Variants in AFDN observed in about 807,000 individuals in gnomAD.
AFDN encodes the protein afadin, adherens junction formation factor, also known as afadin.
In AFDN, 68 loss-of-function variants were observed where a neutral mutation model predicts 216.6. That is an observed-to-expected ratio of 0.31 (90% CI 0.26 to 0.38). The LOEUF (loss-of-function observed/expected upper bound fraction) is 0.38. Ranked by LOEUF, AFDN falls within the 10% of genes least tolerant of loss-of-function variation. AFDN has a pLI of 1.00. For synonymous variants in AFDN, 868 were observed against 853.7 expected (o/e 1.02, Z -0.29); for missense variants, 2,136 against 2,342.0 (o/e 0.91, Z 1.82).
chr6:167,830,844 A>G (rs1361377545), intron 1 of AFDN, among the ~76,000 whole-genome samples: 1 of 152,002 alleles, frequency 6.6e-6, no homozygotes, highest in Non-Finnish European at 1.5e-5. Context: ...TGAAGTGGTA[A>G]TAATTGCATA....
chr6:167,853,075 T>C (rs1326573698), intron 1 of AFDN, among the ~76,000 whole-genome samples: 1 of 152,126 alleles, frequency 6.6e-6, no homozygotes, highest in African/African-American at 2.4e-5. Context: ...GATGTTCATT[T>C]TTACAGATTG....
chr6:167,912,556 A>G (rs1410506751), intron 15 of AFDN, among the ~76,000 whole-genome samples: 1 of 152,204 alleles, frequency 6.6e-6, no homozygotes, highest in African/African-American at 2.4e-5. Flanking sequence ...AAAGAAAGTC[A>G]TTTTATTTGG....
At chr6:167,910,671 C>T (rs1459355766) in intron 13 of AFDN, among the ~76,000 whole-genome samples, 1 of 152,164 alleles carries the variant, frequency 6.6e-6, no homozygotes, top group Admixed American at 6.5e-5. Context: ...AGACAAAGTC[C>T]AGGTCTTAGG....
intron 32 of AFDN, chr6:167,966,378 C>T: frequency 9.5e-7 from 1 of 1,056,120 alleles, no homozygotes; most frequent in Non-Finnish European, 1.2e-6. Flanking sequence ...TCATACTTGC[C>T]TTGGAATTTG....
intron 1 of AFDN, among the ~76,000 whole-genome samples, chr6:167,841,838 C>T (rs1247848937): frequency 6.6e-6 from 1 of 151,842 alleles, no homozygotes; most frequent in Non-Finnish European, 1.5e-5. Context: ...CTCACCGATG[C>T]CTTTCTTCTT....
chr6:167,913,388 T>C lies in AFDN; in HGVS notation c.2038-15T>C, dbSNP rs1389537105. On this transcript the variant is annotated splice_polypyrimidine_tract_variant and intron_variant, in intron 15 of 33. Transcript: ENST00000683244. ...TCTCGTTCTGCTTGATTTCCCCTCG[T>C]CTGTTTTTCTCCAGGAAGTAGACCA... 1 of 1,535,888 alleles carries C rather than the reference T, an allele frequency of 6.5e-7. No homozygotes were observed. The highest frequency in any genetic ancestry group is 2.0e-5 in the Admixed American group (1 of 51,002).
intron 8 of AFDN, among the ~76,000 whole-genome samples, chr6:167,891,403 G>C (rs997755028): frequency 1.2e-4 from 10 of 85,348 alleles, no homozygotes; most frequent in Admixed American, 8.2e-4. Context: ...TTTCATAAAG[G>C]GGTGGGTGTG....
intron 5 of AFDN, among the ~76,000 whole-genome samples, chr6:167,877,739 T>C (rs576278311): frequency 1.3e-5 from 2 of 152,324 alleles, no homozygotes; most frequent in South Asian, 4.1e-4. Flanking sequence ...GTTAATTCTT[T>C]AGTGTGGGCT....
chr6:167,944,241 CCA>C (rs1168689276), intron 26 of AFDN, among the ~76,000 whole-genome samples, 182 bp downstream of exon 26: 1 of 152,100 alleles, frequency 6.6e-6, no homozygotes, highest in Non-Finnish European at 1.5e-5. Flanking sequence ...ACCTTGGAGC[CCA>C]CACTGTGAGT....
At chr6:167,849,015 G>T (rs1782002879) in intron 1 of AFDN, among the ~76,000 whole-genome samples, 1 of 152,094 alleles carries the variant, frequency 6.6e-6, no homozygotes, top group African/African-American at 2.4e-5. Context: ...TTTCAAAATT[G>T]CCAGAGTATG....
chr6:167,922,813 A>G (rs1203150362), intron 21 of AFDN, 43 bp from the exon 22 acceptor site: 1 of 1,320,318 alleles, frequency 7.6e-7, no homozygotes, highest in East Asian at 2.3e-5. Context: ...TTATCTTGAC[A>G]AGATGTGCTT....
intron 1 of AFDN, among the ~76,000 whole-genome samples, chr6:167,844,629 A>G (rs749033717): frequency 2.0e-5 from 3 of 152,114 alleles, no homozygotes; most frequent in Non-Finnish European, 2.9e-5. Flanking sequence ...ATTTGAGTCA[A>G]AGGCTGTACT....
At chr6:167,862,808 A>G (rs189506860) in intron 1 of AFDN, among the ~76,000 whole-genome samples, 44 of 152,128 alleles carry the variant, frequency 2.9e-4, no homozygotes, top group Non-Finnish European at 3.5e-4. Flanking sequence ...AGACAGCAGG[A>G]CTCCTACTCA....
At chr6:167,864,786 G>T in intron 2 of AFDN, 40 bp downstream of exon 2, 1 of 1,585,564 alleles carries the variant, frequency 6.3e-7, no homozygotes, top group South Asian at 1.1e-5. Flanking sequence ...GGCATGACCT[G>T]ACCTGTGAAG....
intron 1 of AFDN, among the ~76,000 whole-genome samples, chr6:167,841,902 T>TA (rs1455861512): frequency 2.6e-5 from 4 of 152,132 alleles, no homozygotes; most frequent in Non-Finnish European, 4.4e-5. Context: ...CCTTCTGTCT[T>TA]ACTTCCCTTC....
At chr6:167,911,588 G>T in intron 15 of AFDN, 99 bp downstream of exon 15, 2 of 1,074,438 alleles carry the variant, frequency 1.9e-6, no homozygotes, top group South Asian at 1.4e-5. Context: ...TTGGTTACAA[G>T]ATTTTTTTCT....
chr6:167,877,459 A>C (rs1013265661), intron 5 of AFDN, among the ~76,000 whole-genome samples: 8 of 152,180 alleles, frequency 5.3e-5, no homozygotes, highest in Non-Finnish European at 1.2e-4. Context: ...GAAAAGCTGC[A>C]AAGAATTAGG....
At position 167,971,296 on chromosome 6, in the gene AFDN, A is replaced by G; in HGVS notation, c.*1361A>G. The G allele has an allele frequency of 4.6e-6, 1 of 218,374 alleles. No individual in the cohort carries two copies. Among genetic ancestry groups the G allele is most frequent in the Non-Finnish European group, 9.2e-6 (1 of 108,850 alleles). The allele number at this position is 218,374 out of a possible 1,614,324, so 13.5% of individuals were successfully genotyped here. ...ATGTTAGGAAAATAGACACATTTTC[A>G]AAGAGAATGTTCTCTTACATATGTT... On this transcript the variant is annotated 3_prime_UTR_variant, in exon 34 of 34. Transcript: ENST00000683244.
intron 13 of AFDN, 102 bp downstream of exon 13, chr6:167,907,391 T>A: frequency 5.8e-6 from 5 of 859,760 alleles, no homozygotes; most frequent in Non-Finnish European, 9.4e-6. Flanking sequence ...GCTGACATGT[T>A]TACAATGTTA....
Sources: allele counts gnomAD v4.1 joint callset (sites outside exome capture counted in the v4.1 genomes callset), GRCh38; gene constraint gnomAD v4.1.1; transcripts MANE v1.5; gene names NCBI Gene and HGNC (gene_info 2026-07-23, HGNC 2026-07-21).